Variants in SWT1 observed in about 807,000 individuals in gnomAD.
SWT1 encodes SWT1 RNA endoribonuclease homolog.
Under a neutral mutation model 107.3 loss-of-function variants are expected in SWT1, and 33 were observed. The ratio of observed to expected loss-of-function variants is 0.31; its 90% CI spans 0.23 to 0.41. SWT1 has a LOEUF of 0.41. SWT1 is among the 10% of genes least tolerant of loss of function. The pLI, the probability that SWT1 is intolerant of heterozygous loss-of-function variation, is 1.00. For missense variants in SWT1, 898 were observed against 1,028.9 expected (o/e 0.87, Z 1.74); for synonymous variants, 345 against 348.3 (o/e 0.99, Z 0.11).
chr1:185,191,353 C>G (rs1362568531), intron 10 of SWT1, among the ~76,000 whole-genome samples: 1 of 152,024 alleles, frequency 6.6e-6, no homozygotes, highest in African/African-American at 2.4e-5. Context: ...AGAAAAGGTT[C>G]TGAAGGGACA....
intron 12 of SWT1, among the ~76,000 whole-genome samples, chr1:185,206,061 C>G (rs1658308117): frequency 1.3e-5 from 2 of 152,010 alleles, no homozygotes; most frequent in African/African-American, 4.8e-5. Context: ...CGGTTTCAAG[C>G]TATTCTCCTG....
At chr1:185,208,935 A>G (rs185471352) in intron 13 of SWT1, among the ~76,000 whole-genome samples, 2 of 152,228 alleles carry the variant, frequency 1.3e-5, no homozygotes, top group Non-Finnish European at 1.5e-5. Flanking sequence ...CTGAGGCTCA[A>G]AGTCAGAGTT....
intron 13 of SWT1, among the ~76,000 whole-genome samples, chr1:185,212,024 G>A (rs1273355952): frequency 4.6e-5 from 7 of 152,078 alleles, no homozygotes; most frequent in Admixed American, 3.9e-4. Flanking sequence ...CGTGGACACA[G>A]GAAGGGGAAC....
At chr1:185,272,427 T>C (rs1201706432) in intron 17 of SWT1, among the ~76,000 whole-genome samples, 1 of 152,242 alleles carries the variant, frequency 6.6e-6, no homozygotes, top group East Asian at 1.9e-4. Flanking sequence ...CTCAAATTTC[T>C]TATGAAGTCA....
chr1:185,278,621 A>G (rs1158867023), intron 18 of SWT1, among the ~76,000 whole-genome samples: 1 of 152,218 alleles, frequency 6.6e-6, no homozygotes, highest in Non-Finnish European at 1.5e-5. Context: ...GGATTGATCC[A>G]TGTTGACACA....
Position 185,182,043 on chromosome 1 carries a change from T to A in SWT1, c.1124T>A (p.Val375Glu). 6.2e-7 allele frequency: 1 copy of A among 1,613,726 alleles called. No homozygotes were observed. Among genetic ancestry groups the A allele is most frequent in the Non-Finnish European group, 8.5e-7 (1 of 1,179,694 alleles). ...ATGGAAATTGACTTAGAAGATGATG[T>A]ACATTCCTCCTCTGGTATACCCTAT... ...MSMEIDLEDD[V>E]HSSSANNTSD... The change falls in exon 7 of 19, where the codon GTA (valine) becomes GAA (glutamate). Residue 375 changes from valine to glutamate, a missense_variant. Coordinates refer to ENST00000367500, the MANE Select transcript of SWT1 (RefSeq NM_017673.7).
At chr1:185,257,665 C>A (rs577134014) in intron 16 of SWT1, among the ~76,000 whole-genome samples, 3 of 152,232 alleles carry the variant, frequency 2.0e-5, no homozygotes, top group Non-Finnish European at 2.9e-5. Flanking sequence ...CACCCACTGA[C>A]CTGTGCCCAC....
chr1:185,182,193 ATT>A, intron 7 of SWT1, 136 bp downstream of exon 7: 1 of 852,464 alleles, frequency 1.2e-6, no homozygotes, highest in Non-Finnish European at 1.7e-6. Flanking sequence ...GTAATAGTTT[ATT>A]TTTTAGGTAC....
intron 5 of SWT1, among the ~76,000 whole-genome samples, chr1:185,175,655 G>A (rs1293635514): frequency 2.0e-5 from 3 of 152,096 alleles, no homozygotes; most frequent in African/African-American, 7.2e-5. Context: ...ATTTTGGCAG[G>A]TATCAAGGAT....
At chr1:185,247,689 A>C (rs1358053257) in intron 16 of SWT1, among the ~76,000 whole-genome samples, 1 of 152,130 alleles carries the variant, frequency 6.6e-6, no homozygotes, top group Admixed American at 6.6e-5. Flanking sequence ...GGCTGAGTGC[A>C]TTGTTCTCCA....
At chr1:185,172,901 G>A (rs955108936) in intron 4 of SWT1, among the ~76,000 whole-genome samples, 6 of 152,140 alleles carry the variant, frequency 3.9e-5, no homozygotes, top group Middle Eastern at 3.4e-3. Context: ...AAAACTAGCC[G>A]GGCGTGGTGG....
At chr1:185,285,224 G>T (rs922419011) in intron 18 of SWT1, among the ~76,000 whole-genome samples, 1 of 152,180 alleles carries the variant, frequency 6.6e-6, no homozygotes, top group Non-Finnish European at 1.5e-5. Flanking sequence ...TCTCAGCAGT[G>T]AGACAGTGTG....
At chr1:185,205,700 A>G (rs1279706677) in intron 12 of SWT1, among the ~76,000 whole-genome samples, 1 of 152,156 alleles carries the variant, frequency 6.6e-6, no homozygotes, top group East Asian at 1.9e-4. Flanking sequence ...CATAGCTTGT[A>G]TCTATTCCAG....
chr1:185,160,881 C>A lies in SWT1; in HGVS notation c.40C>A (p.Gln14Lys), dbSNP rs1206337222. Residue 14 changes from glutamine to lysine, a missense_variant, in exon 2 of 19, where the codon CAG (glutamine) becomes AAG (lysine). Physicochemically the swap from Gln to Lys is moderately conservative, Grantham distance 53. Transcript: ENST00000367500. ...KESCGKKETS[Q>K]RKDTTTSSPN... The stretch of plus-strand genomic sequence containing the variant: ...ATCCTGTGGGAAAAAAGAGACATCT[C>A]AGAGGAAAGACACCACCACCTCATC... 1 of 1,613,366 alleles carries A rather than the reference C, an allele frequency of 6.2e-7. No individual in the cohort carries two copies.
At position 185,174,915 on chromosome 1, in the gene SWT1, T is replaced by C; in HGVS notation, c.768T>C (p.Asp256=). The stretch of plus-strand genomic sequence containing the variant: ...TAGAAGAAAATGTCTTCAACATAGA[T>C]TCTAATAATTCGAAGACTAAGCAGG... ...KLVEENVFNI[D]SNNSKTKQEE... The change falls in exon 5 of 19, where the codon GAT becomes GAC. Residue 256 remains aspartate (D), a synonymous_variant. Coordinates refer to ENST00000367500, the MANE Select transcript of SWT1 (RefSeq NM_017673.7). 6.2e-7 allele frequency: 1 copy of C among 1,613,948 alleles called. No individual in the cohort carries two copies. Among genetic ancestry groups the C allele is most frequent in the Non-Finnish European group, 8.5e-7 (1 of 1,179,968 alleles).
intron 12 of SWT1, 49 bp from the exon 13 acceptor site, chr1:185,206,576 T>C (rs757416809): frequency 1.1e-5 from 13 of 1,163,656 alleles, no homozygotes; most frequent in South Asian, 2.6e-5. Context: ...TTTTTAATAA[T>C]TGGAATAATA....
At chr1:185,277,569 CT>C (rs1040369303) in intron 18 of SWT1, among the ~76,000 whole-genome samples, 3 of 152,194 alleles carry the variant, frequency 2.0e-5, no homozygotes, top group African/African-American at 7.2e-5. Context: ...GGATTACAGG[CT>C]TGAGCCACCG....
In SWT1 at chr1:185,229,253, T is replaced by C. The variant is rs138002958; in HGVS notation, c.2310-2324T>C. 1.0e-3 allele frequency among the ~76,000 whole-genome samples: 152 copies of C among 152,152 alleles called. 3 individuals are homozygous for C. The East Asian group carries it at 0.027, about 27-fold the overall frequency. On this transcript the variant is annotated intron_variant, in intron 15 of 18. Coordinates refer to ENST00000367500, the MANE Select transcript of SWT1 (RefSeq NM_017673.7). ...GCAGTTGTGGGAGAGATGATAAGAA[T>C]TGGTCAAATGCTGGATATATTTTAA...
intron 16 of SWT1, among the ~76,000 whole-genome samples, chr1:185,265,490 C>T (rs1368710171): frequency 1.3e-5 from 2 of 152,134 alleles, no homozygotes; most frequent in Non-Finnish European, 2.9e-5. Flanking sequence ...TTATCAATAA[C>T]ATAACTTAAA....
Sources: allele counts gnomAD v4.1 joint callset (sites outside exome capture counted in the v4.1 genomes callset), GRCh38; gene constraint gnomAD v4.1.1; transcripts MANE v1.5; gene names NCBI Gene and HGNC (gene_info 2026-07-23, HGNC 2026-07-21).